SAMD4A: variants seen among roughly 807,000 people sequenced by gnomAD.
SAMD4A encodes the protein sterile alpha motif domain containing 4A.
In SAMD4A, 33 loss-of-function variants were observed where a neutral mutation model predicts 81.3. The ratio of observed to expected loss-of-function variants is 0.41; its 90% CI spans 0.31 to 0.54. The LOEUF (loss-of-function observed/expected upper bound fraction) is 0.54, where lower values mean the gene tolerates loss of function less well. Ranked by LOEUF, SAMD4A falls within the 20% of genes least tolerant of loss-of-function variation. The pLI is 0.37. For missense variants in SAMD4A, 854 were observed against 951.1 expected (o/e 0.90, Z 1.34); for synonymous variants, 389 against 382.1 (o/e 1.02, Z -0.21).
chr14:54,615,325 G>C (rs2034464602), intron 2 of SAMD4A, among the ~76,000 whole-genome samples: 2 of 152,210 alleles, frequency 1.3e-5, no homozygotes, highest in South Asian at 4.1e-4. Context: ...TGATCAGTAA[G>C]TGATGACACT....
intron 2 of SAMD4A, among the ~76,000 whole-genome samples, chr14:54,572,771 T>A (rs1218209072): frequency 6.6e-6 from 1 of 152,248 alleles, no homozygotes; most frequent in Admixed American, 6.5e-5. Flanking sequence ...AGTTACTTGT[T>A]AATGATCCAG....
intron 2 of SAMD4A, among the ~76,000 whole-genome samples, chr14:54,645,744 A>G (rs1308675069): frequency 6.6e-6 from 1 of 152,232 alleles, no homozygotes; most frequent in Admixed American, 6.5e-5. Flanking sequence ...ATTGTTGCTT[A>G]TAAGTCATTT....
At position 54,684,521 on chromosome 14, in the gene SAMD4A, C is replaced by T. The variant is rs975623455; in HGVS notation, c.197-17541C>T. On this transcript the variant is annotated intron_variant, in intron 2 of 12. Coordinates refer to ENST00000554335, the MANE Select transcript of SAMD4A (RefSeq NM_015589.6). Reference sequence around the variant, plus strand: ...TGCCTCCCATCCCTGCCCTGCACACCGTACCATGAAGGGGGTTACAGACTT... The same window carrying T: ...TGCCTCCCATCCCTGCCCTGCACACTGTACCATGAAGGGGGTTACAGACTT... Among the ~76,000 whole-genome samples, 3 of 152,208 alleles carry T rather than the reference C, an allele frequency of 2.0e-5. No homozygotes were observed. The South Asian group carries it at 6.2e-4, about 31-fold the overall frequency.
chr14:54,594,112 T>G (rs2033853116), intron 2 of SAMD4A, among the ~76,000 whole-genome samples: 1 of 152,184 alleles, frequency 6.6e-6, no homozygotes. Context: ...TTCATAAATT[T>G]ATAATAGAGG....
intron 2 of SAMD4A, among the ~76,000 whole-genome samples, chr14:54,660,358 CA>C (rs2035613434): frequency 2.0e-5 from 3 of 152,208 alleles, no homozygotes; most frequent in Non-Finnish European, 4.4e-5. Flanking sequence ...TAAGCCAGCC[CA>C]GGCAGTTGTC....
intron 9 of SAMD4A, among the ~76,000 whole-genome samples, chr14:54,774,049 A>C (rs547300871): frequency 6.6e-6 from 1 of 152,220 alleles, no homozygotes; most frequent in Non-Finnish European, 1.5e-5. Context: ...TTTTCTTGCT[A>C]TGTGGCCTCT....
chr14:54,770,262 C>T lies in SAMD4A; in HGVS notation c.1715+40C>T, dbSNP rs1339277755. ...CATTCTTTGTAATGCGTAGTGGTTC[C>T]CCTGGCGCCTTGTTGCCTACCTCGG... On this transcript the variant is annotated intron_variant, in intron 9 of 12. Coordinates refer to ENST00000554335, the MANE Select transcript of SAMD4A (RefSeq NM_015589.6). 3 of 1,389,296 alleles carry T rather than the reference C, an allele frequency of 2.2e-6. No individual in the cohort carries two copies. In the South Asian group the frequency reaches 3.6e-5, roughly 17 times the overall value. 86.1% of individuals were successfully genotyped at this position (1,389,296 alleles called of 1,614,324 possible).
At chr14:54,568,220 G>A in intron 2 of SAMD4A, 108 bp downstream of exon 2, 1 of 1,067,770 alleles carries the variant, frequency 9.4e-7, no homozygotes, top group Non-Finnish European at 1.3e-6. Flanking sequence ...AGCCGCGCCG[G>A]GACCTGGACG....
At chr14:54,622,071 G>A (rs2034631197) in intron 2 of SAMD4A, among the ~76,000 whole-genome samples, 1 of 152,162 alleles carries the variant, frequency 6.6e-6, no homozygotes, top group African/African-American at 2.4e-5. Context: ...CAGTCTTGAT[G>A]ATTTTCACTC....
chr14:54,605,976 A>G (rs2034187509), intron 2 of SAMD4A, among the ~76,000 whole-genome samples: 1 of 152,174 alleles, frequency 6.6e-6, no homozygotes, highest in Non-Finnish European at 1.5e-5. Context: ...GACAGACTGG[A>G]GCCTAACTTA....
intron 3 of SAMD4A, among the ~76,000 whole-genome samples, chr14:54,705,536 A>G (rs2036830363): frequency 6.6e-6 from 1 of 152,046 alleles, no homozygotes; most frequent in Non-Finnish European, 1.5e-5. Context: ...ATGATGTTGA[A>G]TAAAAGGTAA....
chr14:54,730,151 C>T (rs747343164), intron 3 of SAMD4A, among the ~76,000 whole-genome samples: 1 of 152,234 alleles, frequency 6.6e-6, no homozygotes, highest in Non-Finnish European at 1.5e-5. Context: ...TGCCCAAAAA[C>T]TGAGCCATCT....
At chr14:54,580,607 T>C (rs775526265) in intron 2 of SAMD4A, among the ~76,000 whole-genome samples, 3 of 152,184 alleles carry the variant, frequency 2.0e-5, no homozygotes, top group Non-Finnish European at 2.9e-5. Context: ...AGTTCCTTAC[T>C]GGGTGTTAAT....
At chr14:54,658,681 C>G (rs975222540) in intron 2 of SAMD4A, among the ~76,000 whole-genome samples, 3 of 152,232 alleles carry the variant, frequency 2.0e-5, no homozygotes, top group Non-Finnish European at 4.4e-5. Flanking sequence ...CCCACAGTCA[C>G]TCTGGCTGAG....
intron 2 of SAMD4A, among the ~76,000 whole-genome samples, chr14:54,633,934 T>A (rs1268791186): frequency 6.6e-6 from 1 of 151,844 alleles, no homozygotes; most frequent in African/African-American, 2.4e-5. Context: ...TCTGTCTTAT[T>A]ACTGTGTCCT....
At chr14:54,682,782 C>G (rs1304496603) in intron 2 of SAMD4A, among the ~76,000 whole-genome samples, 1 of 152,214 alleles carries the variant, frequency 6.6e-6, no homozygotes, top group African/African-American at 2.4e-5. Flanking sequence ...CAAATTCCTA[C>G]ACTATCAACA....
intron 2 of SAMD4A, among the ~76,000 whole-genome samples, chr14:54,676,356 CTTTCCTTTCT>C (rs1466028071): frequency 1.7e-4 from 26 of 152,006 alleles, no homozygotes; most frequent in Admixed American, 5.9e-4. Context: ...GCTTTTAGTA[CTTTCCTTTCT>C]TTTCTTTTTT....
chr14:54,582,291 T>G (rs1360750515), intron 2 of SAMD4A, among the ~76,000 whole-genome samples: 1 of 152,154 alleles, frequency 6.6e-6, no homozygotes, highest in Non-Finnish European at 1.5e-5. Context: ...CTTTCCTACC[T>G]TCTCATTGAG....
rs148559871 is a variant in SAMD4A, at chr14:54,773,958, A to T, written c.1716-976A>T. Among the ~76,000 whole-genome samples the T allele has an allele frequency of 1.4e-3, 213 of 152,360 alleles. 1 individual carries two copies. The highest frequency in any genetic ancestry group is 4.8e-3 in the African/African-American group (200 of 41,588). On this transcript the variant is annotated intron_variant, in intron 9 of 12. Transcript: ENST00000554335. Reference sequence around the variant, plus strand: ...GCTTCTCCAAGTCCGCCACACAGACAGGCTGAGCAGAAACAATGATAGGAT... The same window carrying T: ...GCTTCTCCAAGTCCGCCACACAGACTGGCTGAGCAGAAACAATGATAGGAT...
Sources: allele counts gnomAD v4.1 joint callset (sites outside exome capture counted in the v4.1 genomes callset), GRCh38; gene constraint gnomAD v4.1.1; transcripts MANE v1.5; gene names NCBI Gene and HGNC (gene_info 2026-07-23, HGNC 2026-07-21).